Variants in AGBL1 observed in about 807,000 individuals in gnomAD.
The protein encoded by AGBL1 is AGBL carboxypeptidase 1.
A neutral mutation model predicts 118.9 loss-of-function variants in AGBL1; 130 were observed. The ratio of observed to expected loss-of-function variants is 1.09; its 90% CI spans 0.95 to 1.26. AGBL1 has a LOEUF of 1.26. Among genes scored for constraint, AGBL1 ranks in the 50% most tolerant of loss-of-function variants. The pLI is 0.00. For missense variants in AGBL1, 1,584 were observed against 1,298.1 expected, an observed-to-expected ratio of 1.22 and a Z score of -3.38; for synonymous variants, 555 against 478.9, an observed-to-expected ratio of 1.16 and a Z score of -2.08.
At chr15:86,321,562 G>A (rs1311654022) in intron 17 of AGBL1, among the ~76,000 whole-genome samples, 2 of 151,544 alleles carry the variant, frequency 1.3e-5, no homozygotes, top group African/African-American at 4.9e-5. Flanking sequence ...AGAGGTCAGG[G>A]GTTCGAGACC....
chr15:86,711,450 C>G (rs1215212886), intron 22 of AGBL1, among the ~76,000 whole-genome samples: 1 of 152,162 alleles, frequency 6.6e-6, no homozygotes, highest in East Asian at 1.9e-4. Flanking sequence ...TTATTGGGTG[C>G]TTTTCTTGTT....
chr15:86,791,381 C>T (rs1051587428), intron 22 of AGBL1, among the ~76,000 whole-genome samples: 1 of 152,156 alleles, frequency 6.6e-6, no homozygotes, highest in Non-Finnish European at 1.5e-5. Flanking sequence ...TACGGATGCA[C>T]TGTAGTTTGC....
At chr15:86,376,826 A>T (rs2141953345) in intron 17 of AGBL1, among the ~76,000 whole-genome samples, 1 of 152,380 alleles carries the variant, frequency 6.6e-6, no homozygotes, top group Non-Finnish European at 1.5e-5. Context: ...TTCTAGGGGC[A>T]CAGGGGGTCT....
At chr15:86,946,540 G>C (rs1166343993) in intron 23 of AGBL1, among the ~76,000 whole-genome samples, 1 of 151,052 alleles carries the variant, frequency 6.6e-6, no homozygotes, top group African/African-American at 2.4e-5. Context: ...GTGTCTAGTG[G>C]GGAATGCTAA....
intron 18 of AGBL1, among the ~76,000 whole-genome samples, chr15:86,406,081 C>T (rs1050232128): frequency 6.6e-6 from 1 of 152,186 alleles, no homozygotes; most frequent in South Asian, 2.1e-4. Context: ...CTTCCTGCTG[C>T]TGATGCCTTT....
In AGBL1 at chr15:86,716,065, CAAAAA is replaced by C. The variant is rs35322996; in HGVS notation, c.3158+41642_3158+41646del. Among the ~76,000 whole-genome samples, 489 of 109,792 alleles carry C rather than the reference CAAAAA, an allele frequency of 4.5e-3. 2 individuals are homozygous for C. The highest frequency in any genetic ancestry group is 0.014 in the African/African-American group (460 of 31,766). The allele number at this position is 109,792 out of a possible 152,430, so 72.0% of individuals were successfully genotyped here. On this transcript the variant is annotated intron_variant, in intron 22 of 22. Coordinates refer to ENST00000614907, the MANE Select transcript of AGBL1 (RefSeq NM_001386094.1). ...TGGGCAACAGAGCAAGACTCCGTCTCAAAAAAAAAAAAAAAAAGAAATCAGTTATT... is the reference window on the plus strand; with the variant it reads ...TGGGCAACAGAGCAAGACTCCGTCTCAAAAAAAAAAAAGAAATCAGTTATT...
At chr15:86,542,626 C>T (rs1196019605) in intron 19 of AGBL1, among the ~76,000 whole-genome samples, 1 of 152,096 alleles carries the variant, frequency 6.6e-6, no homozygotes, top group Non-Finnish European at 1.5e-5. Flanking sequence ...GCTCGGCCTC[C>T]CAAAGTGCTG....
chr15:86,898,511 G>A (rs924373177), intron 22 of AGBL1, among the ~76,000 whole-genome samples: 2 of 152,078 alleles, frequency 1.3e-5, no homozygotes, highest in Admixed American at 1.3e-4. Flanking sequence ...GATCCTAGAT[G>A]AAGGTCTTAG....
At chr15:86,627,944 A>G (rs1227367895) in intron 21 of AGBL1, among the ~76,000 whole-genome samples, 2 of 152,224 alleles carry the variant, frequency 1.3e-5, no homozygotes, top group African/African-American at 4.8e-5. Flanking sequence ...AAGGCGCTCA[A>G]TGAATATTTC....
At position 86,522,843 on chromosome 15, in the gene AGBL1, C is replaced by A. The variant is rs765604148; in HGVS notation, c.2589C>A (p.Asn863Lys). ...GCTCACTGAGCGGGGAAGATTTGAA[C>A]AGACAATGGCTTTCTCCCAGTGCTC... Reference protein sequence around the residue: ...HRCSLSGEDLNRQWLSPSAHL... With the variant: ...HRCSLSGEDLKRQWLSPSAHL... Residue 863 changes from asparagine to lysine, a missense_variant, in exon 19 of 23, where the codon AAC (asparagine) becomes AAA (lysine). Transcript: ENST00000614907. 11 of 1,613,596 alleles carry A rather than the reference C, an allele frequency of 6.8e-6. No individual in the cohort carries two copies. The East Asian group carries it at 1.1e-4, about 16-fold the overall frequency.
intron 22 of AGBL1, among the ~76,000 whole-genome samples, chr15:86,691,206 G>C (rs1443928129): frequency 5.3e-5 from 8 of 152,056 alleles, no homozygotes. Flanking sequence ...TAAGGCAAAT[G>C]AACATTTTGG....
At chr15:86,692,012 C>T (rs1468671893) in intron 22 of AGBL1, among the ~76,000 whole-genome samples, 1 of 151,726 alleles carries the variant, frequency 6.6e-6, no homozygotes, top group African/African-American at 2.4e-5. Flanking sequence ...GAGGCTTGTC[C>T]CTCTCTTAAT....
chr15:86,863,337 C>T (rs1033066268), intron 22 of AGBL1, among the ~76,000 whole-genome samples: 5 of 152,156 alleles, frequency 3.3e-5, no homozygotes, highest in East Asian at 1.9e-4. Context: ...GAAAGGCAAC[C>T]GTGAAGCCAA....
chr15:86,119,635 G>C (rs1897970514), intron 1 of AGBL1, among the ~76,000 whole-genome samples: 1 of 150,850 alleles, frequency 6.6e-6, no homozygotes, highest in Non-Finnish European at 1.5e-5. Context: ...AAATGGAAGA[G>C]CATATCTCAG....
intron 1 of AGBL1, among the ~76,000 whole-genome samples, chr15:86,127,926 C>T (rs191936106): frequency 6.6e-6 from 1 of 152,250 alleles, no homozygotes; most frequent in East Asian, 1.9e-4. Flanking sequence ...CTTAGAGAAG[C>T]CCTGCCCATC....
chr15:86,728,499 C>T (rs1244724088), intron 22 of AGBL1, among the ~76,000 whole-genome samples: 1 of 152,170 alleles, frequency 6.6e-6, no homozygotes, highest in Admixed American at 6.5e-5. Flanking sequence ...GCAGAGCCTA[C>T]CTTTTCGCCT....
At chr15:86,387,567 A>C (rs919082312) in intron 17 of AGBL1, among the ~76,000 whole-genome samples, 1 of 152,220 alleles carries the variant, frequency 6.6e-6, no homozygotes, top group Non-Finnish European at 1.5e-5. Flanking sequence ...GTGGGGCTTG[A>C]AGGTCCTGAA....
chr15:86,215,751 C>T (rs961665707), intron 5 of AGBL1, among the ~76,000 whole-genome samples: 1 of 152,174 alleles, frequency 6.6e-6, no homozygotes, highest in African/African-American at 2.4e-5. Flanking sequence ...CAAGAAATCC[C>T]ATCAGTTCTA....
rs1567194680 is a variant in AGBL1 at position 86,827,409 on chromosome 15, GTGTA to G, written c.3159-79676_3159-79673del. On this transcript the variant is annotated intron_variant, in intron 22 of 22. Transcript: ENST00000614907. Reference sequence around the variant, plus strand: ...CACATATATATATACATATATATATGTGTATATATATATATATATACACATATAT... The same window carrying G: ...CACATATATATATACATATATATATGTATATATATATATATACACATATAT... 3.4e-3 allele frequency among the ~76,000 whole-genome samples: 18 copies of G among 5,272 alleles called. 2 individuals carry two copies. Among genetic ancestry groups the G allele is most frequent in the African/African-American group, 0.018 (18 of 988 alleles). The allele number at this position is 5,272 out of a possible 152,430, so 3.5% of individuals were successfully genotyped here.
Sources: gnomAD v4.1 joint callset for allele counts (sites outside exome capture counted in the v4.1 genomes callset) on GRCh38, gnomAD v4.1.1 for gene constraint, MANE v1.5 for transcripts, NCBI Gene and HGNC (gene_info 2026-07-23, HGNC 2026-07-21) for gene names.